Variants in CRHR1 observed in about 807,000 individuals in gnomAD.
The protein encoded by CRHR1 is corticotropin-releasing hormone receptor 1.
CRHR1 carries 28 observed loss-of-function variants against 56.0 expected under a neutral mutation model. That is an observed-to-expected ratio of 0.50 (90% CI 0.37 to 0.69). CRHR1 has a LOEUF of 0.69. Among genes scored for constraint, CRHR1 ranks in the 30% least tolerant of loss-of-function variants. CRHR1 has a pLI of 0.00. For synonymous variants in CRHR1, 195 were observed against 216.5 expected, an observed-to-expected ratio of 0.90 and a Z score of 0.87; for missense variants, 376 against 548.0, an observed-to-expected ratio of 0.69 and a Z score of 3.13.
chr17:45,809,379 C>T (rs1175434954), intron 2 of CRHR1, among the ~76,000 whole-genome samples: 1 of 152,176 alleles, frequency 6.6e-6, no homozygotes, highest in South Asian at 2.1e-4. Flanking sequence ...GCCCTATCCC[C>T]AGCTCCCCCA....
intron 4 of CRHR1, among the ~76,000 whole-genome samples, chr17:45,825,139 C>T (rs4341787): frequency 0.14 from 21,787 of 152,172 alleles, 2,127 homozygotes; most frequent in Middle Eastern, 0.22. Context: ...TGGGCTAAGC[C>T]CTAATTAAGC....
chr17:45,820,478 T>G (rs551063470), intron 3 of CRHR1, among the ~76,000 whole-genome samples: 83 of 152,144 alleles, frequency 5.5e-4, no homozygotes, highest in African/African-American at 2.0e-3. Context: ...AGGCATCAAT[T>G]CAGCTCACAG....
chr17:45,835,334 A>AC lies in CRHR1; in HGVS notation c.*577dup, dbSNP rs572637088. The AC allele has an allele frequency of 3.9e-3, 597 of 153,992 alleles. 2 individuals are homozygous for AC. The highest frequency in any genetic ancestry group is 5.8e-3 in the Non-Finnish European group (400 of 69,104). The allele number at this position is 153,992 out of a possible 1,614,324, so 9.5% of individuals were successfully genotyped here. On this transcript the variant is annotated 3_prime_UTR_variant, in exon 13 of 13. Transcript: ENST00000314537. ...GACTTGCGGCCACAGCACTAGAGTCACCCCCCCAGGCCTCCAGAACCTTAC... is the reference window on the plus strand; with the variant it reads ...GACTTGCGGCCACAGCACTAGAGTCACCCCCCCCAGGCCTCCAGAACCTTAC...
chr17:45,809,450 C>A (rs1332734593), intron 2 of CRHR1, among the ~76,000 whole-genome samples: 2 of 152,212 alleles, frequency 1.3e-5, no homozygotes, highest in African/African-American at 2.4e-5. Context: ...GAGAGACATC[C>A]CTGAGCCCAC....
chr17:45,807,114 C>G lies in CRHR1; in HGVS notation c.121+17C>G, dbSNP rs757127263. On this transcript the variant is annotated intron_variant, in intron 2 of 12. Coordinates refer to ENST00000314537, the MANE Select transcript of CRHR1 (RefSeq NM_004382.5). ...ACATCTCAGGTGAGTCCCCTCAACC[C>G]CCTCCTGCAAGATTCCTGGTCACCA... 1.4e-5 allele frequency: 22 copies of G among 1,611,468 alleles called. No individual in the cohort carries two copies. Among genetic ancestry groups the G allele is most frequent in the Non-Finnish European group, 1.8e-5 (21 of 1,177,854 alleles).
intron 1 of CRHR1, among the ~76,000 whole-genome samples, chr17:45,804,697 G>T (rs1258432553): frequency 6.6e-6 from 1 of 152,156 alleles, no homozygotes; most frequent in Non-Finnish European, 1.5e-5. Context: ...ACCCCTGAAG[G>T]ATATGGGGCA....
intron 8 of CRHR1, among the ~76,000 whole-genome samples, chr17:45,831,585 G>T (rs1378259320): frequency 6.6e-6 from 1 of 152,186 alleles, no homozygotes. Flanking sequence ...GCTTGGAAAA[G>T]TACCAATGCC....
At chr17:45,816,332 T>C in intron 2 of CRHR1, 131 bp from the exon 3 acceptor site, 1 of 1,252,020 alleles carries the variant, frequency 8.0e-7, no homozygotes, top group Non-Finnish European at 1.1e-6. Flanking sequence ...CTGGTCATTG[T>C]TGTCATCCTG....
At position 45,784,496 on chromosome 17, in the gene CRHR1, A is replaced by G. The variant is rs897687192; in HGVS notation, c.-49A>G. ...GCAGCCGCCCGCCGGTCCCTCTGGG[A>G]TGTCCGTAGGACCCGGGCATTCAGG... is the stretch of plus-strand genomic sequence containing the variant. On this transcript the variant is annotated 5_prime_UTR_variant, in exon 1 of 13. The change abolishes an upstream ATG in the 5' untranslated region. Transcript: ENST00000314537. The surrounding 1 kb of genome is among the most constrained non-coding windows in gnomAD (Gnocchi z 4.2). The G allele has an allele frequency of 2.7e-6, 4 of 1,504,678 alleles. No homozygotes were observed. The highest frequency in any genetic ancestry group is 2.7e-6 in the Non-Finnish European group (3 of 1,123,656). The allele number at this position is 1,504,678 out of a possible 1,614,324, so 93.2% of individuals were successfully genotyped here. A position where few individuals can be genotyped will look rare whatever the true frequency, so the allele number is the denominator to read the frequency against.
At chr17:45,795,521 C>T (rs1387748212) in intron 1 of CRHR1, among the ~76,000 whole-genome samples, 1 of 152,208 alleles carries the variant, frequency 6.6e-6, no homozygotes, top group African/African-American at 2.4e-5. Context: ...CGCACCTCCC[C>T]CTTCCTGATT....
In CRHR1 at chr17:45,829,195, G is replaced by T; in HGVS notation, c.328-20G>T. ...CCCATCCAGCAGAAGGCTCACCTCT[G>T]CCCCTCTCTCCTGCTCCAGAAAAAA... On this transcript the variant is annotated intron_variant, in intron 4 of 12. Coordinates refer to ENST00000314537, the MANE Select transcript of CRHR1 (RefSeq NM_004382.5). 1.3e-6 allele frequency: 2 copies of T among 1,596,592 alleles called. No homozygotes were observed. Among genetic ancestry groups the T allele is most frequent in the African/African-American group, 1.3e-5 (1 of 74,700 alleles).
At chr17:45,824,944 T>G (rs978046649) in intron 4 of CRHR1, among the ~76,000 whole-genome samples, 9 of 151,686 alleles carry the variant, frequency 5.9e-5, no homozygotes, top group African/African-American at 2.2e-4. Context: ...CATCCGTGCC[T>G]GGCTCTGCCA....
intron 3 of CRHR1, among the ~76,000 whole-genome samples, chr17:45,821,089 G>A (rs2062029609): frequency 6.6e-6 from 1 of 152,238 alleles, no homozygotes. Flanking sequence ...GCCTGTCCAC[G>A]GGCCAGTCCT....
At chr17:45,823,265 G>T (rs929230510) in intron 4 of CRHR1, among the ~76,000 whole-genome samples, 1 of 151,984 alleles carries the variant, frequency 6.6e-6, no homozygotes, top group Non-Finnish European at 1.5e-5. Context: ...TCTTTCATGA[G>T]TGCCCCAGGG....
intron 1 of CRHR1, among the ~76,000 whole-genome samples, chr17:45,798,769 C>T (rs969499255): frequency 1.3e-5 from 2 of 152,060 alleles, no homozygotes; most frequent in Non-Finnish European, 1.5e-5. Flanking sequence ...CACCCTGAGC[C>T]GGGGCCCCAG....
At position 45,833,475 on chromosome 17, in the gene CRHR1, C is replaced by T. The variant is rs1246311714; in HGVS notation, c.867C>T (p.Asn289=). The change falls in exon 10 of 13, where the codon AAC becomes AAT. Residue 289 remains asparagine, a synonymous_variant. Coordinates refer to ENST00000314537, the MANE Select transcript of CRHR1 (RefSeq NM_004382.5). The stretch of plus-strand genomic sequence containing the variant: ...AGATCAATTTCATCTTCCTTTTCAA[C>T]ATCGTCCGCATCCTCATGACCAAGC... The part of the protein sequence containing the change: ...VLLINFIFLF[N]IVRILMTKLR... 6.2e-7 allele frequency: 1 copy of T among 1,613,930 alleles called. No homozygotes were observed. Among genetic ancestry groups the T allele is most frequent in the African/African-American group, 1.3e-5 (1 of 74,916 alleles).
chr17:45,832,464 TA>T (rs958310368), intron 8 of CRHR1, among the ~76,000 whole-genome samples: 4 of 152,274 alleles, frequency 2.6e-5, no homozygotes, highest in East Asian at 3.9e-4. Flanking sequence ...AGCCAACCTT[TA>T]AAAAATCCAA....
intron 2 of CRHR1, 51 bp from the exon 3 acceptor site, chr17:45,816,412 G>A (rs901176472): frequency 4.4e-6 from 7 of 1,589,570 alleles, no homozygotes; most frequent in Middle Eastern, 1.9e-4. Flanking sequence ...TGCCTGCCTG[G>A]GGCCTTGGCC....
At chr17:45,825,150 T>C (rs1017172638) in intron 4 of CRHR1, among the ~76,000 whole-genome samples, 2 of 152,172 alleles carry the variant, frequency 1.3e-5, no homozygotes, top group African/African-American at 4.8e-5. Context: ...CTAATTAAGC[T>C]CCAGCGCCCT....
Sources: allele counts gnomAD v4.1 joint callset (sites outside exome capture counted in the v4.1 genomes callset), GRCh38; gene constraint gnomAD v4.1.1; non-coding constraint Gnocchi (gnomAD v3.1); transcripts MANE v1.5; gene names NCBI Gene and HGNC (gene_info 2026-07-23, HGNC 2026-07-21).